ANK3: variants seen among roughly 807,000 people sequenced by gnomAD.
ANK3 encodes ankyrin 3.
ANK3 carries 57 observed loss-of-function variants against 370.9 expected under a neutral mutation model. That is an observed-to-expected ratio of 0.15 (90% CI 0.12 to 0.19). ANK3 has a LOEUF of 0.19. Ranked by LOEUF, ANK3 falls within the 10% of genes least tolerant of loss-of-function variation. The probability of loss-of-function intolerance (pLI) is 1.00; values close to 1 mark genes in which losing one functional copy is unlikely to be tolerated. For missense variants in ANK3, 4,439 were observed against 5,302.1 expected (o/e 0.84, Z 5.06); for synonymous variants, 1,929 against 1,946.3 (o/e 0.99, Z 0.23).
chr10:60,386,646 T>C (rs530981774), intron 1 of ANK3, among the ~76,000 whole-genome samples: 2 of 152,134 alleles, frequency 1.3e-5, no homozygotes, highest in South Asian at 2.1e-4. Flanking sequence ...GTGAATCCAA[T>C]GTTAAGTCTA....
At position 60,114,267 on chromosome 10, in the gene ANK3, G is replaced by T. The variant is rs2092928407; in HGVS notation, c.2906C>A (p.Thr969Asn). Residue 969 changes from threonine to asparagine, a missense_variant, in exon 26 of 44, where the codon ACC becomes AAC. By Grantham distance (65) the Thr-to-Asn change is moderately conservative. Coordinates refer to ENST00000280772, the MANE Select transcript of ANK3 (RefSeq NM_020987.5). Reference protein sequence around the residue: ...SLRHYSWAADTLDNVNLVSSP... With the variant: ...SLRHYSWAADNLDNVNLVSSP... ...TGAAACAAGATTGACATTGTCTAAG[G>T]TGTCTGCAGCCCAGCTGTAATGTCT... is the stretch of plus-strand genomic sequence containing the variant. 3 of 1,609,508 alleles carry T rather than the reference G, an allele frequency of 1.9e-6. No individual in the cohort carries two copies. Among genetic ancestry groups the T allele is most frequent in the Non-Finnish European group, 2.5e-6 (3 of 1,178,130 alleles).
At chr10:60,213,795 T>C (rs1162164025) in intron 8 of ANK3, among the ~76,000 whole-genome samples, 1 of 152,174 alleles carries the variant, frequency 6.6e-6, no homozygotes, top group Non-Finnish European at 1.5e-5. Flanking sequence ...ATCTAAGTAC[T>C]ACAAGTAATT....
chr10:60,614,387 A>C (rs1046441549), intron 2 of ANK3, among the ~76,000 whole-genome samples: 10 of 152,206 alleles, frequency 6.6e-5, no homozygotes, highest in African/African-American at 7.2e-5. Context: ...AAATTCTCAC[A>C]ATAAACTTAT....
intron 14 of ANK3, 139 bp from the exon 15 acceptor site, chr10:60,196,764 T>C (rs2096593522): frequency 4.9e-6 from 3 of 608,362 alleles, no homozygotes; most frequent in South Asian, 2.1e-5. Flanking sequence ...AATTATTCTA[T>C]TGATGATGAG....
At chr10:60,248,299 C>T (rs1378914717) in intron 7 of ANK3, among the ~76,000 whole-genome samples, 1 of 152,310 alleles carries the variant, frequency 6.6e-6, no homozygotes, top group African/African-American at 2.4e-5. Context: ...CAACAATGTA[C>T]AAGAGTTCCC....
At chr10:60,100,815 CA>C (rs1218207966) in intron 28 of ANK3, among the ~76,000 whole-genome samples, 11 of 152,006 alleles carry the variant, frequency 7.2e-5, no homozygotes, top group Admixed American at 6.6e-4. Flanking sequence ...TGTGTTAAAA[CA>C]AAATAGATAT....
At chr10:60,630,504 A>C (rs2078467059) in intron 1 of ANK3, among the ~76,000 whole-genome samples, 1 of 152,230 alleles carries the variant, frequency 6.6e-6, no homozygotes, top group Non-Finnish European at 1.5e-5. Flanking sequence ...AAAGGCAATT[A>C]AGAAATGTGA....
At chr10:60,698,562 C>G (rs2079498117) in intron 1 of ANK3, among the ~76,000 whole-genome samples, 1 of 149,034 alleles carries the variant, frequency 6.7e-6, no homozygotes, top group Non-Finnish European at 1.5e-5. Context: ...CCATGGAATA[C>G]TATGCAGCCA....
chr10:60,673,381 G>C (rs543672920), intron 1 of ANK3, among the ~76,000 whole-genome samples: 1 of 151,148 alleles, frequency 6.6e-6, no homozygotes, highest in African/African-American at 2.4e-5. Flanking sequence ...ACAGAGTTTC[G>C]CTCTTGCTGC....
chr10:60,469,619 ATGGTGG>A lies in ANK3; in HGVS notation c.96+145561_96+145566del, dbSNP rs1453662645. Reference sequence around the variant, plus strand: ...TATGGTGGTATATATATATATATATATGGTGGTATATATATATATATATATATATAT... The same window carrying A: ...TATGGTGGTATATATATATATATATATATATATATATATATATATATATAT... On this transcript the variant is annotated intron_variant, in intron 2 of 43. Transcript: ENST00000373827. Among the ~76,000 whole-genome samples the A allele has an allele frequency of 1.1e-3, 25 of 23,414 alleles. 11 individuals are homozygous for A. Among genetic ancestry groups the A allele is most frequent in the African/African-American group, 1.4e-3 (6 of 4,356 alleles). 15.4% of individuals were successfully genotyped at this position (23,414 alleles called of 152,430 possible).
intron 1 of ANK3, among the ~76,000 whole-genome samples, chr10:60,379,775 A>G (rs1191926951): frequency 1.3e-5 from 2 of 152,170 alleles, no homozygotes; most frequent in Non-Finnish European, 2.9e-5. Context: ...ACAGCTAGAT[A>G]AGGGGAGTAA....
chr10:60,300,001 T>C (rs939863324), intron 1 of ANK3, among the ~76,000 whole-genome samples: 4 of 152,208 alleles, frequency 2.6e-5, no homozygotes, highest in African/African-American at 9.6e-5. Flanking sequence ...TTTACGCTCT[T>C]GGATTTACCA....
chr10:60,124,619 T>C (rs759757371), intron 25 of ANK3, among the ~76,000 whole-genome samples: 2 of 152,220 alleles, frequency 1.3e-5, no homozygotes, highest in East Asian at 1.9e-4. Context: ...ACAGAAATAA[T>C]AGTGGTGTTT....
chr10:60,231,900 T>G (rs1340582032), intron 8 of ANK3, among the ~76,000 whole-genome samples: 1 of 152,132 alleles, frequency 6.6e-6, no homozygotes, highest in Non-Finnish European at 1.5e-5. Flanking sequence ...AAGTCAAAAC[T>G]GAGTGGGAGG....
At chr10:60,283,539 A>C (rs1398672560) in intron 1 of ANK3, among the ~76,000 whole-genome samples, 1 of 152,182 alleles carries the variant, frequency 6.6e-6, no homozygotes, top group African/African-American at 2.4e-5. Flanking sequence ...GTTGTTCAGC[A>C]CTTTTTTTCC....
At chr10:60,249,479 AC>A (rs2097611131) in intron 7 of ANK3, among the ~76,000 whole-genome samples, 1 of 152,054 alleles carries the variant, frequency 6.6e-6, no homozygotes, top group African/African-American at 2.4e-5. Flanking sequence ...ATTTTTTCTT[AC>A]CCCCGCAGAA....
At position 60,453,745 on chromosome 10, in the gene ANK3, G is replaced by GAC. The variant is rs748790010; in HGVS notation, c.96+161439_96+161440dup. On this transcript the variant is annotated intron_variant, in intron 2 of 43. Transcript: ENST00000373827. ...ACACACAGGCACACACACACAGACA[G>GAC]ACACACACACACACACAGAGTGTGT... 3.8e-3 allele frequency among the ~76,000 whole-genome samples: 567 copies of GAC among 150,678 alleles called. 9 individuals carry two copies. Among genetic ancestry groups the GAC allele is most frequent in the Admixed American group, 0.02 (299 of 15,108 alleles).
At chr10:60,032,211 T>TTTTTTTTTG in intron 43 of ANK3, among the ~76,000 whole-genome samples, 2 of 130,442 alleles carry the variant, frequency 1.5e-5, no homozygotes, top group Non-Finnish European at 3.3e-5. Flanking sequence ...TTTTTTTTTT[T>TTTTTTTTTG]TTTTTTTTGA....
Position 60,078,563 on chromosome 10 carries a change from G to C in ANK3, c.4432+1974C>G, listed in dbSNP as rs552041578. 2.6e-5 allele frequency among the ~76,000 whole-genome samples: 4 copies of C among 152,260 alleles called. No homozygotes were observed. The South Asian group carries it at 8.3e-4, about 32-fold the overall frequency. ...AAGAAATCTTTTGAACCACGTCTAT[G>C]GTTTTATACTTCGCAAGGAACAACC... is the stretch of plus-strand genomic sequence containing the variant. On this transcript the variant is annotated intron_variant, in intron 36 of 43. Coordinates refer to ENST00000280772, the MANE Select transcript of ANK3 (RefSeq NM_020987.5).
Sources: gnomAD v4.1 joint callset for allele counts (sites outside exome capture counted in the v4.1 genomes callset) on GRCh38, gnomAD v4.1.1 for gene constraint, MANE v1.5 for transcripts, NCBI Gene and HGNC (gene_info 2026-07-23, HGNC 2026-07-21) for gene names.